The following LCLAT1 variants were observed in gnomAD, a reference collection of about 807,000 sequenced individuals.
LCLAT1 encodes lysocardiolipin acyltransferase 1, also known as 1-AGP acyltransferase 8.
In LCLAT1, 11 loss-of-function variants were observed where a neutral mutation model predicts 30.7. The observed-to-expected ratio is 0.36, with a 90% CI of 0.23 to 0.59. The LOEUF is 0.59. LCLAT1 is among the 20% of genes least tolerant of loss of function. The pLI is 0.77. For synonymous variants in LCLAT1, 155 were observed against 151.3 expected (o/e 1.02, Z -0.18); for missense variants, 402 against 458.6 (o/e 0.88, Z 1.13).
intron 1 of LCLAT1, among the ~76,000 whole-genome samples, chr2:30,512,708 C>T (rs1301525452): frequency 2.6e-5 from 4 of 152,086 alleles, no homozygotes; most frequent in African/African-American, 4.8e-5. Flanking sequence ...ATTTTGCAAT[C>T]GGTTTTATTT....
At chr2:30,629,280 C>G (rs969118024) in intron 5 of LCLAT1, among the ~76,000 whole-genome samples, 3 of 152,118 alleles carry the variant, frequency 2.0e-5, no homozygotes, top group African/African-American at 7.2e-5. Flanking sequence ...CAAAATGAGG[C>G]TGAGCATGGT....
chr2:30,610,387 C>G (rs766729310), intron 5 of LCLAT1, among the ~76,000 whole-genome samples: 12 of 152,100 alleles, frequency 7.9e-5, no homozygotes, highest in East Asian at 3.9e-4. Context: ...TTCATCTAAG[C>G]TAACGCTTTT....
At chr2:30,507,062 G>A (rs900980333) in intron 1 of LCLAT1, among the ~76,000 whole-genome samples, 1 of 151,950 alleles carries the variant, frequency 6.6e-6, no homozygotes, top group Admixed American at 6.6e-5. Context: ...AATGATAATT[G>A]TAATAATGAC....
rs760455689 is a variant in LCLAT1 at position 30,640,902 on chromosome 2, A to G, written c.*283A>G. Reference sequence around the variant, plus strand: ...ATCATCAGGCTTTTAGCGACAAGGAACACACACATTTTTCTTAAAGGCCCA... The same window carrying G: ...ATCATCAGGCTTTTAGCGACAAGGAGCACACACATTTTTCTTAAAGGCCCA... On this transcript the variant is annotated 3_prime_UTR_variant, in exon 6 of 6. Transcript: ENST00000379509. The G allele has an allele frequency of 2.1e-5, 7 of 327,322 alleles. No homozygotes were observed. Among genetic ancestry groups the G allele is most frequent in the Non-Finnish European group, 4.0e-5 (7 of 177,204 alleles). 20.3% of individuals were successfully genotyped at this position (327,322 alleles called of 1,614,324 possible).
intron 1 of LCLAT1, among the ~76,000 whole-genome samples, chr2:30,486,293 T>C: frequency 6.6e-6 from 1 of 152,244 alleles, no homozygotes. Context: ...TATTATGTTA[T>C]CACATTATGT....
chr2:30,452,494 C>G (rs913856250), intron 1 of LCLAT1, among the ~76,000 whole-genome samples: 2 of 151,916 alleles, frequency 1.3e-5, no homozygotes, highest in African/African-American at 2.4e-5. Flanking sequence ...AAAATTATGC[C>G]CCAAGCACTC....
At chr2:30,511,011 G>A (rs1684914752) in intron 1 of LCLAT1, among the ~76,000 whole-genome samples, 1 of 151,926 alleles carries the variant, frequency 6.6e-6, no homozygotes, top group African/African-American at 2.4e-5. Context: ...CCCCTGAATA[G>A]TTTATTTCCT....
rs954845295 is a variant in LCLAT1 at position 30,640,707 on chromosome 2, A to G, written c.*88A>G. On this transcript the variant is annotated 3_prime_UTR_variant, in exon 6 of 6. Coordinates refer to ENST00000379509, the MANE Select transcript of LCLAT1 (RefSeq NM_001002257.3). The stretch of plus-strand genomic sequence containing the variant: ...AGCTCAGATGCATTTTTGCATGACT[A>G]TGTCGAATATTTCTTACTGCCATCA... 7.0e-7 allele frequency: 1 copy of G among 1,428,430 alleles called. No homozygotes were observed. Among genetic ancestry groups the G allele is most frequent in the African/African-American group, 1.4e-5 (1 of 69,910 alleles). 88.5% of individuals were successfully genotyped at this position (1,428,430 alleles called of 1,614,324 possible).
At chr2:30,636,361 G>GGACT (rs564179325) in intron 5 of LCLAT1, among the ~76,000 whole-genome samples, 211 of 152,244 alleles carry the variant, frequency 1.4e-3, no homozygotes, top group African/African-American at 4.8e-3. Context: ...TGGTATCAGT[G>GGACT]GACTCCAGGA....
In LCLAT1 at chr2:30,517,493, A is replaced by G. The variant is rs6727495; in HGVS notation, c.-4-8094A>G. The stretch of plus-strand genomic sequence containing the variant: ...CCAGCTTACCCCCACCTGCAATGCA[A>G]TCTCCAAGCCTCAGCTCCTTGGCCA... On this transcript the variant is annotated intron_variant, in intron 1 of 5. Coordinates refer to ENST00000379509, the MANE Select transcript of LCLAT1 (RefSeq NM_001002257.3). 3.6e-3 allele frequency among the ~76,000 whole-genome samples: 548 copies of G among 152,316 alleles called. 2 individuals are homozygous for G. The highest frequency in any genetic ancestry group is 0.013 in the African/African-American group (520 of 41,576).
At chr2:30,492,553 G>A (rs1159943608) in intron 1 of LCLAT1, among the ~76,000 whole-genome samples, 1 of 143,112 alleles carries the variant, frequency 7.0e-6, no homozygotes, top group Non-Finnish European at 1.5e-5. Context: ...TGGACTCTAA[G>A]AAGTTAAGAG....
chr2:30,448,696 G>A (rs905435777), intron 1 of LCLAT1, among the ~76,000 whole-genome samples: 1 of 152,216 alleles, frequency 6.6e-6, no homozygotes, highest in African/African-American at 2.4e-5. Context: ...CAACCAGGAG[G>A]AAGCAATGGG....
intron 1 of LCLAT1, among the ~76,000 whole-genome samples, chr2:30,480,784 T>C (rs1255045042): frequency 2.0e-5 from 3 of 152,110 alleles, no homozygotes; most frequent in Admixed American, 6.6e-5. Context: ...TCTTTCAAAG[T>C]GTGCTGGGGT....
chr2:30,490,559 C>G (rs1350222043), intron 1 of LCLAT1, among the ~76,000 whole-genome samples: 1 of 152,120 alleles, frequency 6.6e-6, no homozygotes, highest in Non-Finnish European at 1.5e-5. Context: ...AGGAAATTTT[C>G]CTGGTAACTC....
chr2:30,600,022 C>T (rs1667107177), intron 5 of LCLAT1, among the ~76,000 whole-genome samples: 1 of 152,176 alleles, frequency 6.6e-6, no homozygotes, highest in South Asian at 2.1e-4. Flanking sequence ...GGTCTGTGTA[C>T]TTCAGTGTGT....
At chr2:30,526,808 T>G (rs1685744076) in intron 2 of LCLAT1, among the ~76,000 whole-genome samples, 1 of 152,206 alleles carries the variant, frequency 6.6e-6, no homozygotes, top group Non-Finnish European at 1.5e-5. Context: ...AATTGTAGAT[T>G]TACAGAGCTT....
chr2:30,565,691 C>T (rs1349770535), intron 4 of LCLAT1, among the ~76,000 whole-genome samples: 2 of 151,990 alleles, frequency 1.3e-5, no homozygotes, highest in South Asian at 2.1e-4. Flanking sequence ...ACGAAGTTTA[C>T]GTTCTGTGAG....
chr2:30,532,719 G>A (rs767389065), intron 2 of LCLAT1, among the ~76,000 whole-genome samples: 2 of 151,424 alleles, frequency 1.3e-5, no homozygotes, highest in Non-Finnish European at 2.9e-5. Context: ...TTACCTTTCC[G>A]GGATTTTTTT....
chr2:30,539,248 C>CTTT (rs72012748), intron 3 of LCLAT1, among the ~76,000 whole-genome samples: 9,584 of 90,558 alleles, frequency 0.11, 535 homozygotes, highest in East Asian at 0.19. Flanking sequence ...CGCGCCAGGC[C>CTTT]TTTTTTTTTT....
Sources: allele counts gnomAD v4.1 joint callset (sites outside exome capture counted in the v4.1 genomes callset), GRCh38; gene constraint gnomAD v4.1.1; transcripts MANE v1.5; gene names NCBI Gene and HGNC (gene_info 2026-07-23, HGNC 2026-07-21).